Variants in GAB4 observed in about 807,000 individuals in gnomAD.
The protein encoded by GAB4 is GRB2 associated binding protein family member 4, also known as GRB2-associated-binding protein 4.
Under a neutral mutation model 51.3 loss-of-function variants are expected in GAB4, and 26 were observed. The observed-to-expected ratio is 0.51, with a 90% confidence interval of 0.37 to 0.70. The LOEUF (loss-of-function observed/expected upper bound fraction) is 0.70. Ranked by LOEUF, GAB4 falls within the 30% of genes least tolerant of loss-of-function variation. The pLI is 0.00. For synonymous variants in GAB4, 329 were observed against 291.2 expected (o/e 1.13, Z -1.32); for missense variants, 759 against 734.6 (o/e 1.03, Z -0.38).
At chr22:16,969,732 C>T (rs2060713145) in intron 4 of GAB4, 1 of 677,336 alleles carries the variant, frequency 1.5e-6, no homozygotes, top group Non-Finnish European at 2.6e-6. Flanking sequence ...GCCCCACTGA[C>T]ATGCTTCTGC....
intron 5 of GAB4, chr22:16,967,577 A>G (rs1052263341): frequency 2.0e-5 from 3 of 152,506 alleles, no homozygotes; most frequent in African/African-American, 7.2e-5. Context: ...TCAGGGAGGT[A>G]TAGGGAGCCT....
In GAB4 at chr22:16,966,252, G is replaced by A. The variant is rs770477522; in HGVS notation, c.1136C>T (p.Ser379Phe). Residue 379 changes from serine (S) to phenylalanine (F), a missense_variant, in exon 6 of 10, where the codon TCC becomes TTC. By Grantham distance (155) the Ser-to-Phe change is radical (BLOSUM62 -2). This residue lies in a region of GAB4 where 588 missense variants were observed against 510.2 expected (regional missense o/e 1.15). Transcript: ENST00000400588. ...LPAVKQAGDD[S>F]QGVCIPVGSC... ...GCCCACAGGGATGCAGACACCCTGG[G>A]AATCATCGCCTGCTTGCTTCACAGC... 3.7e-6 allele frequency: 6 copies of A among 1,613,890 alleles called. 1 individual carries two copies. Among genetic ancestry groups the A allele is most frequent in the South Asian group, 3.3e-5 (3 of 91,074 alleles).
intron 2 of GAB4, among the ~76,000 whole-genome samples, chr22:16,991,468 T>C (rs895134853): frequency 2.0e-5 from 3 of 152,200 alleles, no homozygotes; most frequent in Non-Finnish European, 4.4e-5. Flanking sequence ...CATAAGTCTG[T>C]ATTTGCTCCT....
intron 2 of GAB4, among the ~76,000 whole-genome samples, chr22:16,990,575 G>T (rs1440900132): frequency 6.6e-6 from 1 of 152,120 alleles, no homozygotes; most frequent in East Asian, 1.9e-4. Context: ...GCCCCCAGTT[G>T]TATGTGTGGG....
intron 3 of GAB4, among the ~76,000 whole-genome samples, chr22:16,975,495 A>G (rs889861915): frequency 6.6e-6 from 1 of 152,218 alleles, no homozygotes; most frequent in African/African-American, 2.4e-5. Context: ...TCTGAAAAAA[A>G]GGCTACAGTC....
At chr22:16,999,314 C>A (rs973497527) in intron 1 of GAB4, among the ~76,000 whole-genome samples, 5 of 152,206 alleles carry the variant, frequency 3.3e-5, no homozygotes, top group Admixed American at 6.5e-5. Context: ...GCCTCAATTT[C>A]AGAACCTGTT....
At chr22:16,986,454 G>A (rs2060868778) in intron 3 of GAB4, among the ~76,000 whole-genome samples, 1 of 152,216 alleles carries the variant, frequency 6.6e-6, no homozygotes, top group South Asian at 2.1e-4. Context: ...AACAGGGACT[G>A]AGCATCTGCC....
chr22:16,990,111 A>G (rs1400707425), intron 2 of GAB4, among the ~76,000 whole-genome samples: 1 of 151,614 alleles, frequency 6.6e-6, no homozygotes, highest in Non-Finnish European at 1.5e-5. Flanking sequence ...CTCACCAACC[A>G]TGTCCTGTCC....
In GAB4 at chr22:16,965,762, C is replaced by A. The variant is rs117954495; in HGVS notation, c.1288+338G>T. ...CTGATCCCCACCCAGTTATCCCACT[C>A]CTTCCTTGAACCCCGTGCTGGGCCA... On this transcript the variant is annotated intron_variant, in intron 6 of 9. Coordinates refer to ENST00000400588, the MANE Select transcript of GAB4 (RefSeq NM_001037814.1). Among the ~76,000 whole-genome samples the A allele has an allele frequency of 6.7e-4, 102 of 152,284 alleles. No homozygotes were observed. In the East Asian group the frequency reaches 0.01, roughly 15 times the overall value.
chr22:16,966,257 A>G lies in GAB4; in HGVS notation c.1131T>C (p.Asp377=), dbSNP rs774576618. 1.2e-5 allele frequency: 20 copies of G among 1,614,016 alleles called. No homozygotes were observed. The highest frequency in any genetic ancestry group is 1.6e-5 in the Non-Finnish European group (19 of 1,180,016). ...CAGGGATGCAGACACCCTGGGAATC[A>G]TCGCCTGCTTGCTTCACAGCCGGCA... ...PTLPAVKQAG[D]DSQGVCIPVG... is the part of the protein sequence containing the mutation. Residue 377 remains aspartate, a synonymous_variant, in exon 6 of 10, where the codon GAT becomes GAC. Coordinates refer to ENST00000400588, the MANE Select transcript of GAB4 (RefSeq NM_001037814.1).
chr22:16,985,883 A>G (rs2060863201), intron 3 of GAB4, among the ~76,000 whole-genome samples: 1 of 152,228 alleles, frequency 6.6e-6, no homozygotes, highest in African/African-American at 2.4e-5. Flanking sequence ...GCATCTTAAC[A>G]CAGAAATCCA....
intron 3 of GAB4, among the ~76,000 whole-genome samples, chr22:16,975,480 A>G (rs2110144): frequency 0.81 from 123,013 of 152,166 alleles, 50,435 homozygotes; most frequent in African/African-American, 0.95. Context: ...TCTGGGCAGG[A>G]CATCTCTGAA....
chr22:16,982,086 A>T (rs2060831740), intron 3 of GAB4, among the ~76,000 whole-genome samples: 1 of 152,216 alleles, frequency 6.6e-6, no homozygotes, highest in African/African-American at 2.4e-5. Context: ...TTTACATGCA[A>T]AACCCACAGC....
rs895709773 is a variant in GAB4 at position 16,991,797 on chromosome 22, G to C, written c.478+76C>G. On this transcript the variant is annotated intron_variant, in intron 2 of 9. Transcript: ENST00000400588. ...CACTTCTTGGCAGTGTTGGCAGCTA[G>C]AGCTGCCCTCCTTGCTGGAGATTGG... is the stretch of plus-strand genomic sequence containing the variant. The C allele has an allele frequency of 3.2e-6, 4 of 1,254,446 alleles. No individual in the cohort carries two copies. The African/African-American group carries it at 6.0e-5, about 19-fold the overall frequency. The allele number at this position is 1,254,446 out of a possible 1,614,324, so 77.7% of individuals were successfully genotyped here.
At chr22:17,001,781 T>G (rs1183802789) in intron 1 of GAB4, among the ~76,000 whole-genome samples, 2 of 152,106 alleles carry the variant, frequency 1.3e-5, no homozygotes, top group Non-Finnish European at 2.9e-5. Context: ...CAGAGGCAGG[T>G]AGGCCTCCTT....
intron 1 of GAB4, among the ~76,000 whole-genome samples, chr22:16,999,936 T>G (rs1187236629): frequency 6.6e-6 from 1 of 152,222 alleles, no homozygotes; most frequent in Non-Finnish European, 1.5e-5. Flanking sequence ...TCAGTTTCCA[T>G]ATAGTTGAGC....
intron 3 of GAB4, among the ~76,000 whole-genome samples, chr22:16,971,813 G>A (rs914249382): frequency 6.6e-6 from 1 of 152,178 alleles, no homozygotes; most frequent in Non-Finnish European, 1.5e-5. Context: ...GAAAAATGAA[G>A]GGAAGCAGGT....
intron 1 of GAB4, among the ~76,000 whole-genome samples, chr22:17,006,653 A>G (rs568229812): frequency 6.6e-6 from 1 of 152,356 alleles, no homozygotes; most frequent in Non-Finnish European, 1.5e-5. Context: ...TGGCACATAT[A>G]CACTATGGAA....
chr22:16,976,598 G>A (rs1486817317), intron 3 of GAB4, among the ~76,000 whole-genome samples: 2 of 152,200 alleles, frequency 1.3e-5, no homozygotes, highest in Non-Finnish European at 2.9e-5. Flanking sequence ...ACACTCTTCA[G>A]GATATCATGC....
Sources: gnomAD v4.1 joint callset for allele counts (sites outside exome capture counted in the v4.1 genomes callset) on GRCh38, gnomAD v4.1.1 for gene constraint, gnomAD v4.1.1 regional missense constraint, MANE v1.5 for transcripts, NCBI Gene and HGNC (gene_info 2026-07-23, HGNC 2026-07-21) for gene names.